Variants in GRIN2A observed in about 807,000 individuals in gnomAD.
GRIN2A encodes glutamate receptor ionotropic, NMDA 2A.
GRIN2A carries 22 observed loss-of-function variants against 113.4 expected under a neutral mutation model. The observed-to-expected ratio is 0.19, with a 90% CI of 0.14 to 0.28. GRIN2A has a LOEUF of 0.28. Ranked by LOEUF, GRIN2A falls within the 10% of genes least tolerant of loss-of-function variation. GRIN2A has a pLI of 1.00. For synonymous variants in GRIN2A, 827 were observed against 738.4 expected (o/e 1.12, Z -1.94); for missense variants, 1,502 against 1,887.0 (o/e 0.80, Z 3.78).
chr16:9,898,857 T>C (rs2043860529), intron 3 of GRIN2A, among the ~76,000 whole-genome samples: 1 of 151,972 alleles, frequency 6.6e-6, no homozygotes, highest in Non-Finnish European at 1.5e-5. Flanking sequence ...CCTTCAACTT[T>C]GATGTCTATC....
At chr16:9,928,873 AC>A (rs1222661567) in intron 3 of GRIN2A, among the ~76,000 whole-genome samples, 23 of 152,198 alleles carry the variant, frequency 1.5e-4, no homozygotes, top group Admixed American at 4.6e-4. Flanking sequence ...GGTAGGATTA[AC>A]TCTGCAAGGA....
At chr16:10,032,789 C>A (rs931930703) in intron 2 of GRIN2A, among the ~76,000 whole-genome samples, 4 of 151,972 alleles carry the variant, frequency 2.6e-5, no homozygotes, top group African/African-American at 9.7e-5. Context: ...GCCCAGAGAG[C>A]TTTCATCATA....
At chr16:9,802,953 C>G (rs1049880947) in intron 10 of GRIN2A, among the ~76,000 whole-genome samples, 2 of 152,010 alleles carry the variant, frequency 1.3e-5, no homozygotes, top group African/African-American at 2.4e-5. Context: ...CCTTTTTGCT[C>G]TGACCCAAAA....
At chr16:9,973,875 A>C (rs1261932208) in intron 2 of GRIN2A, among the ~76,000 whole-genome samples, 2 of 152,184 alleles carry the variant, frequency 1.3e-5, no homozygotes, top group Non-Finnish European at 2.9e-5. Context: ...AAACTAAGAG[A>C]ATTCATTTCC....
intron 2 of GRIN2A, among the ~76,000 whole-genome samples, chr16:10,104,597 G>T (rs943799212): frequency 6.6e-6 from 1 of 152,206 alleles, no homozygotes; most frequent in Non-Finnish European, 1.5e-5. Flanking sequence ...GGAAGGAATG[G>T]TGTTCTCTAT....
chr16:9,840,952 T>C lies in GRIN2A; in HGVS notation c.1481A>G (p.Asn494Ser). ...KHGKKVNNVW[N>S]GMIGEVVYQR... ...ATAACTTACTTCACCGATCATTCCA[T>C]TCCACACATTGTTAACTTTCTTGCC... The change falls in exon 6 of 13, where the codon AAT becomes AGT. Residue 494 changes from asparagine to serine, a missense_variant. By Grantham distance (46) the Asn-to-Ser change is conservative. Transcript: ENST00000330684. 6.2e-7 allele frequency: 1 copy of C among 1,613,980 alleles called. No homozygotes were observed. Among genetic ancestry groups the C allele is most frequent in the Non-Finnish European group, 8.5e-7 (1 of 1,179,878 alleles).
At chr16:9,861,958 C>T (rs1317792241) in intron 4 of GRIN2A, among the ~76,000 whole-genome samples, 2 of 152,106 alleles carry the variant, frequency 1.3e-5, no homozygotes. Flanking sequence ...TGAATAAGAA[C>T]CTTTCCTGGA....
At chr16:9,813,909 G>A (rs909028392) in intron 10 of GRIN2A, among the ~76,000 whole-genome samples, 5 of 152,076 alleles carry the variant, frequency 3.3e-5, no homozygotes, top group East Asian at 3.9e-4. Flanking sequence ...GCCCGCTTTC[G>A]AATTCAGCAG....
At chr16:9,828,344 A>G (rs956173486) in intron 9 of GRIN2A, among the ~76,000 whole-genome samples, 15 of 152,312 alleles carry the variant, frequency 9.8e-5, no homozygotes, top group African/African-American at 3.1e-4. Context: ...AAATGACTCC[A>G]TCTTTAACCC....
At chr16:10,083,318 C>T (rs189088650) in intron 2 of GRIN2A, among the ~76,000 whole-genome samples, 146 of 152,308 alleles carry the variant, frequency 9.6e-4, no homozygotes, top group Non-Finnish European at 1.8e-3. Context: ...CATGAGAAGA[C>T]GTGTGTGGCC....
intron 4 of GRIN2A, among the ~76,000 whole-genome samples, chr16:9,860,496 G>T (rs1225021438): frequency 6.7e-6 from 1 of 150,098 alleles, no homozygotes; most frequent in East Asian, 1.9e-4. Context: ...TTAGTAGGTT[G>T]CCTGTTATGG....
In GRIN2A at chr16:9,891,205, A is replaced by G. The variant is rs1484866609; in HGVS notation, c.1008-105T>C. ...TGGAATACTGAAAAATTATAAACTTACAATGCTATATTCATCACAAGAAGC... is the reference window on the plus strand; with the variant it reads ...TGGAATACTGAAAAATTATAAACTTGCAATGCTATATTCATCACAAGAAGC... On this transcript the variant is annotated intron_variant, in intron 3 of 12. Transcript: ENST00000330684. 22 of 730,126 alleles carry G rather than the reference A, an allele frequency of 3.0e-5. No homozygotes were observed. The African/African-American group carries it at 3.1e-4, about 10-fold the overall frequency. The allele number at this position is 730,126 out of a possible 1,614,324, so 45.2% of individuals were successfully genotyped here.
chr16:10,070,950 C>A (rs1466752751), intron 2 of GRIN2A, among the ~76,000 whole-genome samples: 1 of 152,158 alleles, frequency 6.6e-6, no homozygotes, highest in Non-Finnish European at 1.5e-5. Flanking sequence ...AGAGAGCAGT[C>A]AGATTAACCC....
chr16:10,112,659 A>C, intron 2 of GRIN2A: 2 of 764,284 alleles, frequency 2.6e-6, no homozygotes, highest in Non-Finnish European at 4.8e-6. Flanking sequence ...CAGCAGCCAG[A>C]AACGATACTT....
chr16:9,757,480 C>T lies in GRIN2A; in HGVS notation c.*5669G>A, dbSNP rs545671708. 7.0e-5 allele frequency: 16 copies of T among 228,440 alleles called. No individual in the cohort carries two copies. Among genetic ancestry groups the T allele is most frequent in the African/African-American group, 3.1e-4 (14 of 44,876 alleles). 14.2% of individuals were successfully genotyped at this position (228,440 alleles called of 1,614,324 possible). On this transcript the variant is annotated 3_prime_UTR_variant, in exon 13 of 13. Coordinates refer to ENST00000330684, the MANE Select transcript of GRIN2A (RefSeq NM_001134407.3). ...AGTCTCTGTTTGCATTGCATGGGTC[C>T]TTGGTTATCCTTTGTATTAGAGAAC...
At chr16:9,960,389 C>A (rs758824749) in intron 2 of GRIN2A, among the ~76,000 whole-genome samples, 1 of 152,106 alleles carries the variant, frequency 6.6e-6, no homozygotes, top group Admixed American at 6.5e-5. Flanking sequence ...ATACTAAGAG[C>A]GACTGTTCTT....
chr16:9,842,976 A>G (rs1160467914), intron 5 of GRIN2A, among the ~76,000 whole-genome samples: 14 of 150,228 alleles, frequency 9.3e-5, no homozygotes, highest in African/African-American at 3.2e-4. Context: ...AGAGAGGAAG[A>G]AAGAAAGAAA....
chr16:9,842,077 C>G (rs1211493952), intron 5 of GRIN2A, among the ~76,000 whole-genome samples: 1 of 152,078 alleles, frequency 6.6e-6, no homozygotes, highest in Admixed American at 6.5e-5. Flanking sequence ...ATGGCGAAAC[C>G]CTGTCTCTAC....
At chr16:9,899,744 G>T (rs924687416) in intron 3 of GRIN2A, among the ~76,000 whole-genome samples, 32 of 152,138 alleles carry the variant, frequency 2.1e-4, no homozygotes, top group African/African-American at 6.5e-4. Flanking sequence ...ACCTAGAAGA[G>T]GGTGTGTCCT....
Sources: gnomAD v4.1 joint callset for allele counts (sites outside exome capture counted in the v4.1 genomes callset) on GRCh38, gnomAD v4.1.1 for gene constraint, MANE v1.5 for transcripts, NCBI Gene and HGNC (gene_info 2026-07-23, HGNC 2026-07-21) for gene names.